PSMD1: variants seen among roughly 807,000 people sequenced by gnomAD.
The protein encoded by PSMD1 is proteasome 26S subunit, non-ATPase 1, also known as 26S proteasome non-ATPase regulatory subunit 1.
In PSMD1, 18 loss-of-function variants were observed where a neutral mutation model predicts 119.0. The observed-to-expected ratio is 0.15, with a 90% CI of 0.10 to 0.22. The LOEUF (loss-of-function observed/expected upper bound fraction) is 0.22, where lower values mean the gene tolerates loss of function less well. Ranked by LOEUF, PSMD1 falls within the 10% of genes least tolerant of loss-of-function variation. The pLI is 1.00. For missense variants in PSMD1, 702 were observed against 1,158.5 expected (o/e 0.61, Z 5.72); for synonymous variants, 374 against 396.6 (o/e 0.94, Z 0.68).
chr2:231,101,173 C>T (rs1694857544), intron 16 of PSMD1, among the ~76,000 whole-genome samples: 1 of 152,142 alleles, frequency 6.6e-6, no homozygotes, highest in African/African-American at 2.4e-5. Flanking sequence ...CATTGTTCAC[C>T]CCCAAGTAGA....
At chr2:231,076,440 G>T (rs943071825) in intron 8 of PSMD1, among the ~76,000 whole-genome samples, 5 of 152,182 alleles carry the variant, frequency 3.3e-5, no homozygotes, top group African/African-American at 1.2e-4. Context: ...GCCAAGGTGG[G>T]TGGATCACCT....
intron 14 of PSMD1, 27 bp from the exon 15 acceptor site, chr2:231,084,992 T>C: frequency 6.4e-7 from 1 of 1,555,724 alleles, no homozygotes; most frequent in Non-Finnish European, 8.9e-7. Context: ...AATAAGTTGA[T>C]GATTAATGTT....
At chr2:231,122,597 C>T (rs1695582442) in intron 16 of PSMD1, among the ~76,000 whole-genome samples, 1 of 152,044 alleles carries the variant, frequency 6.6e-6, no homozygotes, top group African/African-American at 2.4e-5. Flanking sequence ...AATTCATCAG[C>T]AGAATTATTT....
chr2:231,073,981 T>G (rs912954042), intron 7 of PSMD1, among the ~76,000 whole-genome samples: 4 of 152,168 alleles, frequency 2.6e-5, no homozygotes, highest in Non-Finnish European at 5.9e-5. Context: ...TACTCCTTCT[T>G]TTGTAATCTT....
Position 231,113,863 on chromosome 2 carries a change from G to A in PSMD1, c.1884-24873G>A, listed in dbSNP as rs752234417. ...GGCACAGAGATGCATGATGGATGCGGTTGAAAAGAGAACGTCAAGAAATAA... is the reference window on the plus strand; with the variant it reads ...GGCACAGAGATGCATGATGGATGCGATTGAAAAGAGAACGTCAAGAAATAA... On this transcript the variant is annotated intron_variant, in intron 16 of 24. Transcript: ENST00000308696. The A allele has an allele frequency of 2.2e-5, 35 of 1,614,022 alleles. No individual in the cohort carries two copies. Among genetic ancestry groups the A allele is most frequent in the Admixed American group, 1.8e-4 (11 of 60,004 alleles).
At chr2:231,138,677 C>A in intron 16 of PSMD1, 59 bp from the exon 17 acceptor site, 1 of 1,278,208 alleles carries the variant, frequency 7.8e-7, no homozygotes, top group East Asian at 2.3e-5. Flanking sequence ...TAAAACTCTT[C>A]TGTCTTAACT....
At chr2:231,057,811 A>C (rs1574697737) in intron 1 of PSMD1, among the ~76,000 whole-genome samples, 1 of 152,258 alleles carries the variant, frequency 6.6e-6, no homozygotes, top group Non-Finnish European at 1.5e-5. Flanking sequence ...TCAAGTTTCA[A>C]TTGGAGACTT....
intron 17 of PSMD1, among the ~76,000 whole-genome samples, chr2:231,139,578 AGAAG>A (rs1474538059): frequency 6.7e-6 from 1 of 148,778 alleles, no homozygotes; most frequent in Non-Finnish European, 1.5e-5. Context: ...AAAAAAAAGA[AGAAG>A]AAGAAGAAGA....
chr2:231,090,378 G>T (rs556883072), intron 16 of PSMD1, among the ~76,000 whole-genome samples: 1 of 152,286 alleles, frequency 6.6e-6, no homozygotes, highest in South Asian at 2.1e-4. Context: ...CCTGTCTGCG[G>T]TGAAACCTTG....
chr2:231,101,800 T>G (rs1350295799), intron 16 of PSMD1, among the ~76,000 whole-genome samples: 1 of 152,126 alleles, frequency 6.6e-6, no homozygotes, highest in Non-Finnish European at 1.5e-5. Flanking sequence ...CGGTGGCACT[T>G]TTTAGCTATA....
chr2:231,075,908 G>C (rs1694151449), intron 8 of PSMD1, among the ~76,000 whole-genome samples: 1 of 152,088 alleles, frequency 6.6e-6, no homozygotes. Flanking sequence ...TGTGCTTTTT[G>C]AAGTTGAGAT....
At chr2:231,116,582 G>A (rs1695341929) in intron 16 of PSMD1, among the ~76,000 whole-genome samples, 1 of 151,928 alleles carries the variant, frequency 6.6e-6, no homozygotes, top group Non-Finnish European at 1.5e-5. Flanking sequence ...CATATAAAAA[G>A]TACGTGTCTT....
In PSMD1 at chr2:231,062,293, G is replaced by A; in HGVS notation, c.106G>A (p.Ala36Thr). 6.2e-7 allele frequency: 1 copy of A among 1,612,984 alleles called. No homozygotes were observed. The highest frequency in any genetic ancestry group is 8.5e-7 in the Non-Finnish European group (1 of 1,179,178). ...KLNAVVNDFW[A>T]EISESVDKIE... The stretch of plus-strand genomic sequence containing the variant: ...GAATGCAGTTGTTAATGACTTCTGG[G>A]CAGAAATTTCCGAGTCCGTAGACAA... Residue 36 changes from alanine to threonine, a missense_variant, in exon 3 of 25, where the codon GCA becomes ACA. This residue lies in a region of PSMD1 where 60 missense variants were observed against 118.2 expected (regional missense o/e 0.51). Transcript: ENST00000308696.
intron 20 of PSMD1, among the ~76,000 whole-genome samples, chr2:231,161,753 G>C (rs1481668478): frequency 6.6e-6 from 1 of 152,212 alleles, no homozygotes; most frequent in African/African-American, 2.4e-5. Flanking sequence ...TGGTGAGAGA[G>C]GGGGCTAAAT....
rs904737290 is a variant in PSMD1, at chr2:231,066,090, A to G, written c.305-816A>G. On this transcript the variant is annotated intron_variant, in intron 4 of 24. Coordinates refer to ENST00000308696, the MANE Select transcript of PSMD1 (RefSeq NM_002807.4). ...AGAGCCTAGGTATGTAGTAGGTTAT[A>G]TAACATCTAGGTTTGTGTAAGTTCA... Among the ~76,000 whole-genome samples the G allele has an allele frequency of 3.3e-5, 5 of 152,370 alleles. No individual in the cohort carries two copies. The East Asian group carries it at 5.8e-4, about 18-fold the overall frequency.
At chr2:231,142,874 T>G (rs1696158637) in intron 17 of PSMD1, among the ~76,000 whole-genome samples, 1 of 152,208 alleles carries the variant, frequency 6.6e-6, no homozygotes, top group South Asian at 2.1e-4. Context: ...ATATCTGCTG[T>G]GTGTATTATC....
intron 18 of PSMD1, among the ~76,000 whole-genome samples, chr2:231,150,333 T>C (rs1696345678): frequency 6.7e-6 from 1 of 150,324 alleles, no homozygotes; most frequent in Non-Finnish European, 1.5e-5. Context: ...GGCGACACAG[T>C]GAGGCTGTCT....
chr2:231,165,084 A>T (rs1273248208), intron 21 of PSMD1, 116 bp from the exon 22 acceptor site: 1 of 178,910 alleles, frequency 5.6e-6, no homozygotes, highest in Non-Finnish European at 1.1e-5. Flanking sequence ...ATATATATAT[A>T]TATATATGTA....
chr2:231,076,328 G>C (rs540214417), intron 8 of PSMD1, among the ~76,000 whole-genome samples: 2 of 152,304 alleles, frequency 1.3e-5, no homozygotes, highest in Non-Finnish European at 2.9e-5. Flanking sequence ...GTAAACTTCA[G>C]CTGTTCTTCA....
Sources: gnomAD v4.1 joint callset for allele counts (sites outside exome capture counted in the v4.1 genomes callset) on GRCh38, gnomAD v4.1.1 for gene constraint, gnomAD v4.1.1 regional missense constraint, MANE v1.5 for transcripts, NCBI Gene and HGNC (gene_info 2026-07-23, HGNC 2026-07-21) for gene names.